Variants in NRG4 observed in about 807,000 individuals in gnomAD.
NRG4 encodes pro-neuregulin-4, membrane-bound isoform.
A neutral mutation model predicts 15.0 loss-of-function variants in NRG4; 10 were observed. The ratio of observed to expected loss-of-function variants is 0.67; its 90% CI spans 0.41 to 1.13. The LOEUF is 1.13. Among genes scored for constraint, NRG4 ranks in the 50% most tolerant of loss-of-function variants. The pLI is 0.00. For missense variants in NRG4, 139 were observed against 140.2 expected, an observed-to-expected ratio of 0.99 and a Z score of 0.04; for synonymous variants, 41 against 50.1, an observed-to-expected ratio of 0.82 and a Z score of 0.77.
At chr15:75,938,942 TAGGATGC>T (rs1214429475), downstream of NRG4, 2 of 151,972 alleles carry the variant, frequency 1.3e-5, no homozygotes, top group African/African-American at 4.8e-5. Flanking sequence ...CCAAAATTTA[TAGGATGC>T]AGTGAAAGCA....
chr15:76,004,070 G>A (rs772355610), intron 3 of NRG4, among the ~76,000 whole-genome samples: 39 of 152,066 alleles, frequency 2.6e-4, no homozygotes, highest in Admixed American at 5.2e-4. Context: ...GTATTGAGAC[G>A]AATTCTTAGT....
chr15:76,022,697 A>T lies in NRG4; in HGVS notation c.-56-11411T>A, dbSNP rs532899706. On this transcript the variant is annotated intron_variant, in intron 5 of 8. Transcript: ENST00000563910. ...GGATGGTGGGGAAAAGAATGGCAAG[A>T]ATAGATAGTATAAAACATGCTGGAT... 3.9e-5 allele frequency among the ~76,000 whole-genome samples: 6 copies of T among 152,184 alleles called. No individual in the cohort carries two copies. In the South Asian group the frequency reaches 1.2e-3, roughly 32 times the overall value.
intron 3 of NRG4, among the ~76,000 whole-genome samples, chr15:76,007,532 C>A (rs540405658): frequency 6.6e-6 from 1 of 151,200 alleles, no homozygotes; most frequent in East Asian, 2.0e-4. Context: ...CAGGTTCATG[C>A]CATTCTCCTG....
rs79282520 is a variant in NRG4, at chr15:75,979,313, G to C, written c.105-17339C>G. 4.1e-3 allele frequency among the ~76,000 whole-genome samples: 617 copies of C among 151,974 alleles called. 3 individuals are homozygous for C. Among genetic ancestry groups the C allele is most frequent in the Non-Finnish European group, 7.0e-3 (473 of 67,974 alleles). ...GTGTATTAGACAGCTAATAGCATTT[G>C]CCTGTGGTTATATCAGCAAAACTCT... On this transcript the variant is annotated intron_variant, in intron 3 of 5. Transcript: ENST00000394907.
At chr15:76,034,787 C>G (rs2035561137) in intron 5 of NRG4, among the ~76,000 whole-genome samples, 1 of 152,072 alleles carries the variant, frequency 6.6e-6, no homozygotes, top group Non-Finnish European at 1.5e-5. Flanking sequence ...GGTTCTTTGT[C>G]AATTTAGAGC....
At chr15:75,963,709 C>T (rs927589323) in intron 3 of NRG4, among the ~76,000 whole-genome samples, 9 of 147,004 alleles carry the variant, frequency 6.1e-5, no homozygotes, top group East Asian at 2.0e-4. Flanking sequence ...ACCTGGGAGG[C>T]GGAGGTTGCA....
chr15:76,019,102 C>T (rs958135704), intron 5 of NRG4, among the ~76,000 whole-genome samples: 3 of 151,916 alleles, frequency 2.0e-5, no homozygotes, highest in Admixed American at 2.0e-4. Context: ...CCACCTAGTT[C>T]GAACTTCCAG....
intron 5 of NRG4, among the ~76,000 whole-genome samples, chr15:75,953,568 T>C (rs1424976161): frequency 6.6e-6 from 1 of 152,244 alleles, no homozygotes; most frequent in East Asian, 1.9e-4. Context: ...ACATTACAGA[T>C]GTTGCTCCAT....
chr15:75,968,586 A>T (rs1021695101), intron 3 of NRG4, among the ~76,000 whole-genome samples: 2 of 63,158 alleles, frequency 3.2e-5, no homozygotes, highest in African/African-American at 5.2e-5. Context: ...AACTCCATCT[A>T]AAAAAAAAAA....
chr15:75,988,853 CTT>C (rs71444946), intron 3 of NRG4, among the ~76,000 whole-genome samples: 77 of 109,656 alleles, frequency 7.0e-4, no homozygotes, highest in African/African-American at 2.3e-3. Flanking sequence ...CTGCACCTTC[CTT>C]TTTTTTTTTT....
At chr15:76,003,253 AT>A (rs1488396932) in intron 3 of NRG4, among the ~76,000 whole-genome samples, 1 of 152,180 alleles carries the variant, frequency 6.6e-6, no homozygotes, top group Non-Finnish European at 1.5e-5. Flanking sequence ...ATTAGTAAAC[AT>A]TTGAATTAAA....
At chr15:76,005,718 TAAGG>T in intron 3 of NRG4, 1 of 334,890 alleles carries the variant, frequency 3.0e-6, no homozygotes, top group Non-Finnish European at 5.8e-6. Context: ...AAGAGAATTG[TAAGG>T]AAGAGAAAAT....
rs2035424017 is a variant in NRG4 at position 76,029,830 on chromosome 15, TA to T, written c.-57+6113del. ...ATGGATCAGAAGGTTTAACATTGTT[TA>T]AAATAATCATACTACCCAAGGAAAC... On this transcript the variant is annotated intron_variant, in intron 5 of 8. Transcript: ENST00000563910. 2.6e-5 allele frequency among the ~76,000 whole-genome samples: 4 copies of T among 152,300 alleles called. No individual in the cohort carries two copies. The South Asian group carries it at 6.2e-4, about 24-fold the overall frequency.
chr15:75,976,229 G>A (rs2033360629), intron 3 of NRG4, among the ~76,000 whole-genome samples: 1 of 152,166 alleles, frequency 6.6e-6, no homozygotes, highest in African/African-American at 2.4e-5. Context: ...CCAGTTAGCA[G>A]TTCCTCTAAC....
At chr15:76,051,300 C>T (rs186330322) in intron 4 of NRG4, among the ~76,000 whole-genome samples, 10 of 150,242 alleles carry the variant, frequency 6.7e-5, no homozygotes, top group South Asian at 2.1e-4. Flanking sequence ...CCACCGCGCC[C>T]GGCCTATTTA....
chr15:76,006,570 G>A (rs1320399011), intron 3 of NRG4, among the ~76,000 whole-genome samples: 6 of 151,926 alleles, frequency 3.9e-5, no homozygotes, highest in Admixed American at 1.3e-4. Context: ...ACACATTCAC[G>A]TTGCAAAGAG....
chr15:76,033,202 A>C (rs2141943998), intron 5 of NRG4, among the ~76,000 whole-genome samples: 1 of 152,350 alleles, frequency 6.6e-6, no homozygotes, highest in South Asian at 2.1e-4. Flanking sequence ...TGTGAATTGA[A>C]TCAGCCTACT....
At chr15:75,963,775 C>T (rs1199338752) in intron 3 of NRG4, among the ~76,000 whole-genome samples, 1 of 115,714 alleles carries the variant, frequency 8.6e-6, no homozygotes, top group Non-Finnish European at 1.8e-5. Context: ...AAGACTCCAT[C>T]TCAAAAAAAA....
At chr15:75,960,171 A>G (rs1333324380) in intron 4 of NRG4, among the ~76,000 whole-genome samples, 1 of 152,210 alleles carries the variant, frequency 6.6e-6, no homozygotes, top group Non-Finnish European at 1.5e-5. Context: ...CCAATCAATA[A>G]CAGATGGAAA....
Sources: gnomAD v4.1 joint callset for allele counts (sites outside exome capture counted in the v4.1 genomes callset) on GRCh38, gnomAD v4.1.1 for gene constraint, MANE v1.5 for transcripts, NCBI Gene and HGNC (gene_info 2026-07-23, HGNC 2026-07-21) for gene names.